RELL1: variants seen among roughly 807,000 people sequenced by gnomAD.
RELL1 encodes the protein RELT-like protein 1.
In RELL1, 10 loss-of-function variants were observed where a neutral mutation model predicts 23.0. The observed-to-expected ratio is 0.43, with a 90% CI of 0.27 to 0.74. RELL1 has a LOEUF of 0.74. Among genes scored for constraint, RELL1 ranks in the 30% least tolerant of loss-of-function variants. RELL1 has a pLI of 0.19. For synonymous variants in RELL1, 146 were observed against 146.8 expected (o/e 0.99, Z 0.04); for missense variants, 315 against 364.4 (o/e 0.86, Z 1.10).
rs57256942 is a variant in RELL1 at position 37,633,408 on chromosome 4, CAAAAAAAAAAAAAAAAAAAAAA to C, written c.680+1457_680+1478del. Among the ~76,000 whole-genome samples the C allele has an allele frequency of 7.3e-3, 457 of 63,024 alleles. 10 individuals carry two copies. The highest frequency in any genetic ancestry group is 8.1e-3 in the Non-Finnish European group (209 of 25,766). The allele number at this position is 63,024 out of a possible 152,430, so 41.3% of individuals were successfully genotyped here. On this transcript the variant is annotated intron_variant, in intron 5 of 6. Coordinates refer to ENST00000454158, the MANE Select transcript of RELL1 (RefSeq NM_001085400.2). Reference sequence around the variant, plus strand: ...TGGGTGACAGAGTGAGACTCCACCTCAAAAAAAAAAAAAAAAAAAAAAAAAAAAAAAAAAAAAAGGCATGTTG... The same window carrying C: ...TGGGTGACAGAGTGAGACTCCACCTCAAAAAAAAAAAAAAAAGGCATGTTG...
At chr4:37,622,950 G>A in intron 6 of RELL1, 1 of 393,300 alleles carries the variant, frequency 2.5e-6, no homozygotes, top group South Asian at 1.9e-5. Flanking sequence ...GACTACAGGT[G>A]CCCGCCACCA....
At chr4:37,587,077 C>A (rs1718375015), downstream of RELL1, among the ~76,000 whole-genome samples, 1 of 152,112 alleles carries the variant, frequency 6.6e-6, no homozygotes, top group African/African-American at 2.4e-5. Flanking sequence ...TGAATCTGTT[C>A]CTTCCCTCTT....
At chr4:37,636,520 G>A (rs975471207) in intron 4 of RELL1, among the ~76,000 whole-genome samples, 14 of 151,826 alleles carry the variant, frequency 9.2e-5, no homozygotes, top group Non-Finnish European at 1.6e-4. Context: ...GTGTGAACCC[G>A]GAAGGCGGAG....
intron 1 of RELL1, among the ~76,000 whole-genome samples, chr4:37,685,780 C>A (rs532854438): frequency 6.6e-6 from 1 of 152,338 alleles, no homozygotes; most frequent in East Asian, 1.9e-4. Flanking sequence ...GAGAAGGAGG[C>A]GCCGACAGCG....
chr4:37,599,610 A>G (rs1718964411), intron 6 of RELL1, among the ~76,000 whole-genome samples: 1 of 152,212 alleles, frequency 6.6e-6, no homozygotes, highest in Non-Finnish European at 1.5e-5. Flanking sequence ...GTGCTACTAC[A>G]GGACTTTTGG....
At chr4:37,669,155 G>A (rs1721677247) in intron 1 of RELL1, among the ~76,000 whole-genome samples, 2 of 128,436 alleles carry the variant, frequency 1.6e-5, no homozygotes, top group African/African-American at 6.6e-5. Flanking sequence ...CCTCTGCCCG[G>A]CCAGCCGCCC....
chr4:37,675,557 C>A (rs1413073674), intron 1 of RELL1, among the ~76,000 whole-genome samples: 2 of 152,084 alleles, frequency 1.3e-5, no homozygotes, highest in African/African-American at 4.8e-5. Flanking sequence ...TCTAGTTAGA[C>A]AAAACAAACA....
chr4:37,686,261 G>A lies in RELL1; in HGVS notation c.27C>T (p.Ser9=), dbSNP rs755932048. 1.9e-6 allele frequency: 3 copies of A among 1,562,938 alleles called. No homozygotes were observed. The South Asian group carries it at 3.5e-5, about 18-fold the overall frequency. Residue 9 remains serine (S), a synonymous_variant, in exon 1 of 7, where the codon TCC becomes TCT. Transcript: ENST00000454158. The part of the protein sequence containing the change: MAPRALPG[S]AVLAAAVFVG... The stretch of plus-strand genomic sequence containing the variant: ...CGAAGACAGCAGCGGCTAGGACGGC[G>A]GACCCCGGGAGTGCCCGCGGAGCCA...
chr4:37,651,391 T>C (rs1451708940), intron 1 of RELL1, among the ~76,000 whole-genome samples: 1 of 152,224 alleles, frequency 6.6e-6, no homozygotes, highest in Non-Finnish European at 1.5e-5. Flanking sequence ...AAACAAAGCT[T>C]CAGTATTTGG....
intron 6 of RELL1, among the ~76,000 whole-genome samples, chr4:37,617,363 C>T (rs537205383): frequency 1.3e-5 from 2 of 152,338 alleles, no homozygotes; most frequent in South Asian, 4.1e-4. Flanking sequence ...ATTAAATCCG[C>T]TTCCAAAGGG....
downstream of RELL1, among the ~76,000 whole-genome samples, chr4:37,589,172 T>C (rs952121645): frequency 2.0e-5 from 3 of 152,212 alleles, no homozygotes; most frequent in African/African-American, 7.2e-5. Flanking sequence ...ATGCCTGAAA[T>C]GGCATCGCTG....
rs16993740 is a variant in RELL1 at position 37,647,336 on chromosome 4, T to G, written c.385+32A>C. 3,681 of 1,501,698 alleles carry G rather than the reference T, an allele frequency of 2.5e-3. 84 individuals are homozygous for G. The African/African-American group carries it at 0.046, about 19-fold the overall frequency. The allele number at this position is 1,501,698 out of a possible 1,614,324, so 93.0% of individuals were successfully genotyped here. On this transcript the variant is annotated intron_variant, in intron 3 of 6. Coordinates refer to ENST00000454158, the MANE Select transcript of RELL1 (RefSeq NM_001085400.2). The stretch of plus-strand genomic sequence containing the variant: ...GGTTTTTAATAAAGGATAGGAATAC[T>G]GAATTGTTTTGGAACACTAAAATGT...
intron 6 of RELL1, among the ~76,000 whole-genome samples, chr4:37,621,901 C>A (rs77310410): frequency 6.6e-6 from 1 of 152,182 alleles, no homozygotes; most frequent in Admixed American, 6.5e-5. Context: ...TTTAGTATCT[C>A]CTGTGCACAG....
At chr4:37,684,940 G>C (rs1014873172) in intron 1 of RELL1, among the ~76,000 whole-genome samples, 19 of 152,006 alleles carry the variant, frequency 1.2e-4, no homozygotes, top group African/African-American at 4.1e-4. Flanking sequence ...GTGACAAAAT[G>C]AGCCCCTGTA....
chr4:37,602,221 C>CAAAAA (rs11410477), intron 6 of RELL1, among the ~76,000 whole-genome samples: 1 of 96,686 alleles, frequency 1.0e-5, no homozygotes, highest in Non-Finnish European at 1.9e-5. Flanking sequence ...TGTCTCAAAC[C>CAAAAA]AAAAAAAAAA....
chr4:37,663,766 C>T (rs1367782772), intron 1 of RELL1, among the ~76,000 whole-genome samples: 6 of 152,076 alleles, frequency 3.9e-5, no homozygotes, highest in Middle Eastern at 3.2e-3. Flanking sequence ...CTGTAAGTGG[C>T]GGTGGCCTTG....
intron 1 of RELL1, among the ~76,000 whole-genome samples, chr4:37,660,949 T>G (rs1033192705): frequency 2.0e-5 from 3 of 151,484 alleles, no homozygotes; most frequent in Non-Finnish European, 4.4e-5. Flanking sequence ...GAGAACAGCG[T>G]GAACCCGGGA....
At chr4:37,676,605 G>C (rs777573102) in intron 1 of RELL1, among the ~76,000 whole-genome samples, 1 of 152,102 alleles carries the variant, frequency 6.6e-6, no homozygotes, top group Non-Finnish European at 1.5e-5. Flanking sequence ...AGTATTGCTT[G>C]TTTGTCATTA....
intron 4 of RELL1, among the ~76,000 whole-genome samples, chr4:37,636,891 G>A (rs774568537): frequency 1.1e-4 from 17 of 152,172 alleles, no homozygotes; most frequent in Non-Finnish European, 1.8e-4. Context: ...TAGAGCCTAC[G>A]GTTGAGGAGA....
Sources: allele counts gnomAD v4.1 joint callset (sites outside exome capture counted in the v4.1 genomes callset), GRCh38; gene constraint gnomAD v4.1.1; transcripts MANE v1.5; gene names NCBI Gene and HGNC (gene_info 2026-07-23, HGNC 2026-07-21).